DLG2: variants seen among roughly 807,000 people sequenced by gnomAD.
DLG2 encodes discs large MAGUK scaffold protein 2, also known as disks large homolog 2.
A neutral mutation model predicts 132.5 loss-of-function variants in DLG2; 45 were observed. The observed-to-expected ratio is 0.34, with a 90% CI of 0.27 to 0.44. The LOEUF is 0.44. Among genes scored for constraint, DLG2 ranks in the 20% least tolerant of loss-of-function variants. The pLI is 1.00. For synonymous variants in DLG2, 424 were observed against 419.6 expected (o/e 1.01, Z -0.13); for missense variants, 1,045 against 1,196.9 (o/e 0.87, Z 1.87).
chr11:84,280,560 A>G (rs548825954), intron 7 of DLG2, among the ~76,000 whole-genome samples: 46 of 152,092 alleles, frequency 3.0e-4, no homozygotes, highest in Non-Finnish European at 5.1e-4. Context: ...ACTGATTTTT[A>G]AAGTGTGCAA....
intron 7 of DLG2, among the ~76,000 whole-genome samples, chr11:84,341,606 G>T (rs906428854): frequency 3.9e-5 from 6 of 152,186 alleles, no homozygotes; most frequent in Non-Finnish European, 7.3e-5. Context: ...ATGCAACAAG[G>T]GTTGAGAATC....
rs75615183 is a variant in DLG2 at position 83,809,483 on chromosome 11, G to C, written c.1723-22691C>G. 1.1e-3 allele frequency among the ~76,000 whole-genome samples: 174 copies of C among 152,242 alleles called. 3 individuals are homozygous for C. The East Asian group carries it at 0.027, about 24-fold the overall frequency. On this transcript the variant is annotated intron_variant, in intron 17 of 27. Coordinates refer to ENST00000376104, the MANE Select transcript of DLG2 (RefSeq NM_001142699.3). ...GCTTCTTCAAAATCCACTTGTTCCT[G>C]TCTACTATAGAGACCTGCTACATAT...
intron 6 of DLG2, among the ~76,000 whole-genome samples, chr11:85,046,152 C>G (rs1406025141): frequency 6.6e-6 from 1 of 151,996 alleles, no homozygotes; most frequent in Admixed American, 6.6e-5. Flanking sequence ...GGATCCCGAA[C>G]AGAATTTGCA....
At chr11:84,428,426 G>C (rs1049115320) in intron 7 of DLG2, among the ~76,000 whole-genome samples, 3 of 152,172 alleles carry the variant, frequency 2.0e-5, no homozygotes, top group African/African-American at 7.2e-5. Context: ...AAAATACCAG[G>C]TATTAGGTGG....
chr11:84,352,325 C>T (rs546268381), intron 7 of DLG2, among the ~76,000 whole-genome samples: 1 of 152,260 alleles, frequency 6.6e-6, no homozygotes, highest in East Asian at 1.9e-4. Context: ...ATAATACACA[C>T]ACCACAAGGT....
At chr11:84,272,381 G>C in intron 7 of DLG2, 1 of 383,272 alleles carries the variant, frequency 2.6e-6, no homozygotes, top group South Asian at 1.9e-5. Flanking sequence ...AATTTTAGCA[G>C]AGATTATTTT....
chr11:84,522,871 C>T (rs1172081220), intron 7 of DLG2, among the ~76,000 whole-genome samples: 1 of 152,166 alleles, frequency 6.6e-6, no homozygotes, highest in African/African-American at 2.4e-5. Context: ...TGCATATGTT[C>T]CAATATCTTC....
chr11:84,018,390 A>C (rs2095283096), intron 11 of DLG2, among the ~76,000 whole-genome samples: 1 of 152,034 alleles, frequency 6.6e-6, no homozygotes, highest in African/African-American at 2.4e-5. Flanking sequence ...AGTAAAAAAG[A>C]ATCAATCACT....
chr11:85,386,906 T>C (rs1260512700), intron 3 of DLG2, among the ~76,000 whole-genome samples: 2 of 151,552 alleles, frequency 1.3e-5, no homozygotes, highest in African/African-American at 4.8e-5. Flanking sequence ...TTTTTTCTTT[T>C]TTTTTTAGAT....
intron 9 of DLG2, among the ~76,000 whole-genome samples, chr11:84,153,771 C>T (rs2095362432): frequency 6.6e-6 from 1 of 152,136 alleles, no homozygotes; most frequent in South Asian, 2.1e-4. Context: ...TGGATTTCTC[C>T]TGAATCTTGT....
intron 9 of DLG2, among the ~76,000 whole-genome samples, chr11:84,124,861 T>G (rs1328926863): frequency 1.3e-5 from 2 of 150,376 alleles, no homozygotes; most frequent in East Asian, 3.9e-4. Flanking sequence ...TTTTTTTTTT[T>G]TTTTTTGAGA....
intron 6 of DLG2, among the ~76,000 whole-genome samples, chr11:84,838,472 G>A (rs1027244143): frequency 2.0e-5 from 3 of 151,736 alleles, no homozygotes; most frequent in African/African-American, 2.4e-5. Context: ...TGGTGAGGAT[G>A]AAGGGAAACA....
chr11:85,494,482 T>G (rs1016804650), intron 3 of DLG2, among the ~76,000 whole-genome samples: 1 of 151,976 alleles, frequency 6.6e-6, no homozygotes, highest in Non-Finnish European at 1.5e-5. Context: ...TAAAAAAGCA[T>G]ACACAAACAA....
At chr11:84,710,289 C>T (rs2060237309) in intron 6 of DLG2, among the ~76,000 whole-genome samples, 1 of 151,868 alleles carries the variant, frequency 6.6e-6, no homozygotes, top group South Asian at 2.1e-4. Flanking sequence ...AACTATTTTA[C>T]CGTATTTGAG....
intron 9 of DLG2, among the ~76,000 whole-genome samples, chr11:84,109,670 TG>T (rs369338172): frequency 6.6e-4 from 100 of 152,312 alleles, no homozygotes; most frequent in African/African-American, 2.3e-3. Context: ...TTTCTTAATT[TG>T]TTGATCATTT....
intron 19 of DLG2, among the ~76,000 whole-genome samples, chr11:83,572,673 C>T (rs2096817022): frequency 6.6e-6 from 1 of 152,142 alleles, no homozygotes; most frequent in African/African-American, 2.4e-5. Context: ...GAAGGAATGC[C>T]TTTTACCATG....
chr11:83,721,673 T>G (rs2088598605), intron 18 of DLG2, among the ~76,000 whole-genome samples: 1 of 152,204 alleles, frequency 6.6e-6, no homozygotes, highest in South Asian at 2.1e-4. Flanking sequence ...AACAAAAAGT[T>G]ATAATGCTGT....
chr11:85,107,927 T>TAAAAA (rs5793156), intron 6 of DLG2, among the ~76,000 whole-genome samples: 1 of 26,276 alleles, frequency 3.8e-5, no homozygotes, highest in Non-Finnish European at 6.5e-5. Context: ...GGACAAGTCT[T>TAAAAA]AAAAAAAAAA....
At chr11:85,583,145 T>TATATAC (rs2078721257) in intron 3 of DLG2, among the ~76,000 whole-genome samples, 1 of 105,826 alleles carries the variant, frequency 9.4e-6, no homozygotes, top group Admixed American at 9.6e-5. Flanking sequence ...TATATATATA[T>TATATAC]ATATATATAT....
Sources: gnomAD v4.1 joint callset for allele counts (sites outside exome capture counted in the v4.1 genomes callset) on GRCh38, gnomAD v4.1.1 for gene constraint, MANE v1.5 for transcripts, NCBI Gene and HGNC (gene_info 2026-07-23, HGNC 2026-07-21) for gene names.